Variants in SNX30 observed in about 807,000 individuals in gnomAD.
SNX30 encodes sorting nexin family member 30, also known as sorting nexin-30.
A neutral mutation model predicts 46.4 loss-of-function variants in SNX30; 24 were observed. That is an observed-to-expected ratio of 0.52 (90% CI 0.37 to 0.73). The LOEUF is 0.73. Among genes scored for constraint, SNX30 ranks in the 30% least tolerant of loss-of-function variants. The pLI is 0.00. For synonymous variants in SNX30, 189 were observed against 211.5 expected (o/e 0.89, Z 0.92); for missense variants, 533 against 555.7 (o/e 0.96, Z 0.41).
chr9:112,835,565 C>T (rs1423948914), intron 4 of SNX30, among the ~76,000 whole-genome samples: 1 of 151,984 alleles, frequency 6.6e-6, no homozygotes, highest in Non-Finnish European at 1.5e-5. Flanking sequence ...GATCTGCCCA[C>T]CTCAGCCTCC....
Position 112,796,718 on chromosome 9 carries a change from G to A in SNX30, c.157-8058G>A, listed in dbSNP as rs1385592879. Among the ~76,000 whole-genome samples, 4 of 152,124 alleles carry A rather than the reference G, an allele frequency of 2.6e-5. No homozygotes were observed. In the East Asian group the frequency reaches 7.7e-4, roughly 29 times the overall value. On this transcript the variant is annotated intron_variant, in intron 1 of 8. Coordinates refer to ENST00000374232, the MANE Select transcript of SNX30 (RefSeq NM_001012994.2). ...AAATGATCTGTGGTCAGCAGAAATG[G>A]GAGTTGAAGGTGCTTTTTCTGTGTA... is the stretch of plus-strand genomic sequence containing the variant.
chr9:112,847,445 T>G (rs1225931093), intron 6 of SNX30, among the ~76,000 whole-genome samples: 1 of 93,736 alleles, frequency 1.1e-5, no homozygotes, highest in Non-Finnish European at 2.0e-5. Flanking sequence ...ATACAAGCAT[T>G]CTTTTTTTTT....
In SNX30 at chr9:112,831,026, T is replaced by C. The variant is rs559458669; in HGVS notation, c.618+143T>C. 3.8e-4 allele frequency: 306 copies of C among 806,276 alleles called. 6 individuals carry two copies. The South Asian group carries it at 5.3e-3, about 14-fold the overall frequency. 49.9% of individuals were successfully genotyped at this position (806,276 alleles called of 1,614,324 possible). On this transcript the variant is annotated intron_variant, in intron 4 of 8. Coordinates refer to ENST00000374232, the MANE Select transcript of SNX30 (RefSeq NM_001012994.2). Reference sequence around the variant, plus strand: ...GATGTTGTGCGCCTGTAGTCCCAGCTACCTGGGAGGCTAAGGCAGGAGGTA... The same window carrying C: ...GATGTTGTGCGCCTGTAGTCCCAGCCACCTGGGAGGCTAAGGCAGGAGGTA...
chr9:112,813,182 C>G (rs1223957095), intron 2 of SNX30, among the ~76,000 whole-genome samples: 1 of 151,858 alleles, frequency 6.6e-6, no homozygotes, highest in Non-Finnish European at 1.5e-5. Flanking sequence ...ATGTCTTATA[C>G]CCTGGTTGTG....
At chr9:112,884,587 G>C (rs112455877), downstream of SNX30, among the ~76,000 whole-genome samples, 1,587 of 152,308 alleles carry the variant, frequency 0.01, 21 homozygotes, top group African/African-American at 0.036. Flanking sequence ...CAGATTAATT[G>C]AGTCAGAATC....
chr9:112,831,341 C>A (rs1015944968), intron 4 of SNX30, among the ~76,000 whole-genome samples: 5 of 152,156 alleles, frequency 3.3e-5, no homozygotes, highest in African/African-American at 1.2e-4. Context: ...TCCGGGGCCC[C>A]ACCCACTTGC....
At chr9:112,751,407 G>C (rs1839274521) in intron 1 of SNX30, among the ~76,000 whole-genome samples, 1 of 152,210 alleles carries the variant, frequency 6.6e-6, no homozygotes, top group South Asian at 2.1e-4. Flanking sequence ...GTGGGGAGGG[G>C]TCCAGCCTGC....
chr9:112,750,374 C>G (rs1478914263), upstream of SNX30: 2 of 152,208 alleles, frequency 1.3e-5, no homozygotes, highest in Admixed American at 1.3e-4. Flanking sequence ...TCTTCCTGCG[C>G]GTGCCTTAGA....
chr9:112,773,235 C>A (rs531917040), intron 1 of SNX30, among the ~76,000 whole-genome samples: 4 of 152,198 alleles, frequency 2.6e-5, no homozygotes, highest in Admixed American at 1.3e-4. Flanking sequence ...CCCTGTTGTC[C>A]CATCCATAAA....
chr9:112,836,277 C>T lies in SNX30; in HGVS notation c.682C>T (p.His228Tyr), dbSNP rs1840749164. 3 of 1,612,846 alleles carry T rather than the reference C, an allele frequency of 1.9e-6. No individual in the cohort carries two copies. Among genetic ancestry groups the T allele is most frequent in the Admixed American group, 3.3e-5 (2 of 59,996 alleles). The change falls in exon 5 of 9, where the codon CAC becomes TAC. Residue 228 changes from histidine to tyrosine, a missense_variant. Transcript: ENST00000374232. ...GACCAGAATGGGCGAGTCAGTCAAG[C>T]ACGTCACTGGCGGCTACAAGCTGAG... The part of the protein sequence containing the change: ...LLTRMGESVK[H>Y]VTGGYKLRTR...
chr9:112,780,867 C>T (rs1839835596), intron 1 of SNX30, among the ~76,000 whole-genome samples: 1 of 152,202 alleles, frequency 6.6e-6, no homozygotes, highest in Non-Finnish European at 1.5e-5. Context: ...TGCTCTGAAT[C>T]TTTGTCCCCG....
chr9:112,757,338 G>C (rs1019541160), intron 1 of SNX30, among the ~76,000 whole-genome samples: 1 of 152,154 alleles, frequency 6.6e-6, no homozygotes. Flanking sequence ...TTCTTTTCTG[G>C]GGCTGAATAA....
At chr9:112,763,166 A>ATG (rs2131353260) in intron 1 of SNX30, among the ~76,000 whole-genome samples, 1 of 141,406 alleles carries the variant, frequency 7.1e-6, no homozygotes, top group African/African-American at 2.6e-5. Context: ...CAGTTTATAT[A>ATG]TGTATATATA....
rs560371040 is a variant in SNX30 at position 112,766,987 on chromosome 9, T to A, written c.156+15830T>A. On this transcript the variant is annotated intron_variant, in intron 1 of 8. Coordinates refer to ENST00000374232, the MANE Select transcript of SNX30 (RefSeq NM_001012994.2). Reference sequence around the variant, plus strand: ...ATATACCTAGAAGGGGATTGGCAGATCATGTGATAACCTGTTTTTAATTTT... The same window carrying A: ...ATATACCTAGAAGGGGATTGGCAGAACATGTGATAACCTGTTTTTAATTTT... Among the ~76,000 whole-genome samples, 7 of 152,318 alleles carry A rather than the reference T, an allele frequency of 4.6e-5. No individual in the cohort carries two copies. In the South Asian group the frequency reaches 1.4e-3, roughly 32 times the overall value.
intron 1 of SNX30, among the ~76,000 whole-genome samples, chr9:112,786,742 A>T (rs2131381950): frequency 6.6e-6 from 1 of 151,772 alleles, no homozygotes; most frequent in East Asian, 1.9e-4. Context: ...GGGCTCAAGC[A>T]ATCTGCCCAC....
At chr9:112,792,857 A>T in intron 1 of SNX30, among the ~76,000 whole-genome samples, 1 of 147,262 alleles carries the variant, frequency 6.8e-6, no homozygotes, top group African/African-American at 2.5e-5. Flanking sequence ...TTTCATTTTT[A>T]GATTCTCTTT....
intron 7 of SNX30, among the ~76,000 whole-genome samples, chr9:112,863,617 C>A (rs1841273282): frequency 6.6e-6 from 1 of 152,178 alleles, no homozygotes; most frequent in Non-Finnish European, 1.5e-5. Context: ...AGTAACTTTC[C>A]TCCTGTTTTC....
chr9:112,835,147 A>G (rs1478833138), intron 4 of SNX30, among the ~76,000 whole-genome samples: 2 of 152,096 alleles, frequency 1.3e-5, no homozygotes, highest in African/African-American at 4.8e-5. Flanking sequence ...ATACCCTTCT[A>G]GGTCTGGGGA....
At position 112,861,746 on chromosome 9, in the gene SNX30, C is replaced by A. The variant is rs546018430; in HGVS notation, c.1102-2501C>A. Reference sequence around the variant, plus strand: ...TTCCTGCGGTGGGTCCTGGTGTCTTCTCTCCTCTGTCCCTTGTGTGTACCG... The same window carrying A: ...TTCCTGCGGTGGGTCCTGGTGTCTTATCTCCTCTGTCCCTTGTGTGTACCG... On this transcript the variant is annotated intron_variant, in intron 7 of 8. Coordinates refer to ENST00000374232, the MANE Select transcript of SNX30 (RefSeq NM_001012994.2). Among the ~76,000 whole-genome samples, 4 of 152,216 alleles carry A rather than the reference C, an allele frequency of 2.6e-5. No homozygotes were observed. The East Asian group carries it at 7.7e-4, about 29-fold the overall frequency.
Sources: allele counts gnomAD v4.1 joint callset (sites outside exome capture counted in the v4.1 genomes callset), GRCh38; gene constraint gnomAD v4.1.1; transcripts MANE v1.5; gene names NCBI Gene and HGNC (gene_info 2026-07-23, HGNC 2026-07-21).